STARD13: variants seen among roughly 807,000 people sequenced by gnomAD.
STARD13 encodes the protein StAR related lipid transfer domain containing 13.
Under a neutral mutation model 106.4 loss-of-function variants are expected in STARD13, and 62 were observed. The ratio of observed to expected loss-of-function variants is 0.58; its 90% CI spans 0.48 to 0.72. The LOEUF (loss-of-function observed/expected upper bound fraction) is 0.72. STARD13 is among the 30% of genes least tolerant of loss of function. The pLI, the probability that STARD13 is intolerant of heterozygous loss-of-function variation, is 0.00. For missense variants in STARD13, 1,387 were observed against 1,424.0 expected (o/e 0.97, Z 0.42); for synonymous variants, 565 against 553.0 (o/e 1.02, Z -0.31).
chr13:33,365,067 G>A, the STARD13 span, among the ~76,000 whole-genome samples: 1 of 143,644 alleles, frequency 7.0e-6, no homozygotes, highest in Non-Finnish European at 1.5e-5. Context: ...AAAAAACTCT[G>A]GAGTCAAATC....
chr13:33,350,770 G>A (rs374015397), upstream of STARD13: 205 of 636,486 alleles, frequency 3.2e-4, 3 homozygotes, highest in South Asian at 9.8e-3. Context: ...TTCCAGGAGC[G>A]CGCTTCCCCT....
At chr13:33,668,526 C>T in the STARD13 span, among the ~76,000 whole-genome samples, 1 of 152,178 alleles carries the variant, frequency 6.6e-6, no homozygotes, top group South Asian at 2.1e-4. Flanking sequence ...AGAAGAGTTT[C>T]TGCCTGTATA....
At chr13:33,459,416 T>C in the STARD13 span, among the ~76,000 whole-genome samples, 1 of 152,372 alleles carries the variant, frequency 6.6e-6, no homozygotes, top group African/African-American at 2.4e-5. Context: ...TCATTCATAT[T>C]ACTGCATGTA....
chr13:33,209,155 C>G (rs913447302), intron 1 of STARD13, among the ~76,000 whole-genome samples: 1 of 152,128 alleles, frequency 6.6e-6, no homozygotes, highest in Non-Finnish European at 1.5e-5. Flanking sequence ...TTGTGTGTTA[C>G]CCCCATATTG....
chr13:33,439,671 AT>A, the STARD13 span: 5 of 1,248,306 alleles, frequency 4.0e-6, no homozygotes, highest in Non-Finnish European at 5.2e-6. Context: ...ACAGGAAAAC[AT>A]TTTCTCAGGG....
chr13:33,131,386 T>A (rs1019413728), intron 4 of STARD13, among the ~76,000 whole-genome samples: 7 of 152,154 alleles, frequency 4.6e-5, no homozygotes, highest in Non-Finnish European at 1.0e-4. Context: ...CTCCAGCATC[T>A]TCCCCATCTA....
intron 4 of STARD13, among the ~76,000 whole-genome samples, chr13:33,133,994 T>A (rs1878712055): frequency 6.6e-6 from 1 of 152,164 alleles, no homozygotes; most frequent in Non-Finnish European, 1.5e-5. Flanking sequence ...TATTTAGAAA[T>A]GTAAAATGGA....
intron 1 of STARD13, among the ~76,000 whole-genome samples, chr13:33,321,387 T>A (rs1416602503): frequency 3.3e-5 from 5 of 151,740 alleles, no homozygotes; most frequent in Admixed American, 3.3e-4. Flanking sequence ...GTGTTTGTAA[T>A]CCCAGCTACT....
At chr13:33,137,303 T>A (rs1244685867) in intron 4 of STARD13, among the ~76,000 whole-genome samples, 1 of 152,224 alleles carries the variant, frequency 6.6e-6, no homozygotes, top group Non-Finnish European at 1.5e-5. Flanking sequence ...TAGGGCCATA[T>A]CATAAAAATT....
chr13:33,149,440 T>C (rs1880979066), intron 3 of STARD13, among the ~76,000 whole-genome samples: 1 of 152,242 alleles, frequency 6.6e-6, no homozygotes, highest in Non-Finnish European at 1.5e-5. Context: ...TTTTGGACTT[T>C]GAAATTACTG....
chr13:33,600,076 T>C, the STARD13 span, among the ~76,000 whole-genome samples: 1 of 152,200 alleles, frequency 6.6e-6, no homozygotes, highest in African/African-American at 2.4e-5. Flanking sequence ...ATGCAATTAG[T>C]ACTCAATATC....
chr13:33,110,345 C>A (rs925192312), intron 11 of STARD13, among the ~76,000 whole-genome samples: 3 of 152,150 alleles, frequency 2.0e-5, no homozygotes, highest in African/African-American at 7.2e-5. Flanking sequence ...CTATTCTAAG[C>A]CATTTGGTTT....
the STARD13 span, among the ~76,000 whole-genome samples, chr13:33,671,603 A>G: frequency 2.0e-5 from 3 of 152,076 alleles, no homozygotes; most frequent in Non-Finnish European, 4.4e-5. Flanking sequence ...GGTGGTGCAT[A>G]CTTTTATTCC....
In STARD13 at chr13:33,129,407, C is replaced by A. The variant is rs1313958735; in HGVS notation, c.1270G>T (p.Val424Phe). Residue 424 changes from valine to phenylalanine, a missense_variant, in exon 5 of 14, where the codon GTT (valine) becomes TTT (phenylalanine). Physicochemically the swap from Val to Phe is conservative, Grantham distance 50. Coordinates refer to ENST00000336934, the MANE Select transcript of STARD13 (RefSeq NM_178006.4). ...SLSPTDSSNG[V>F]NWRTGSISLG... The stretch of plus-strand genomic sequence containing the variant: ...GAGATGCTACCGGTCCTCCAATTAA[C>A]CCCATTGCTACTATCTGTGGGAGAG... 2 of 1,614,204 alleles carry A rather than the reference C, an allele frequency of 1.2e-6. No individual in the cohort carries two copies. The highest frequency in any genetic ancestry group is 1.1e-5 in the South Asian group (1 of 91,088).
the STARD13 span, among the ~76,000 whole-genome samples, chr13:33,435,714 A>C: frequency 6.6e-6 from 1 of 152,204 alleles, no homozygotes; most frequent in African/African-American, 2.4e-5. Context: ...AGCTTCTTGA[A>C]GGAGGGATAA....
intron 1 of STARD13, among the ~76,000 whole-genome samples, chr13:33,298,649 G>T (rs191903779): frequency 6.6e-6 from 1 of 151,880 alleles, no homozygotes; most frequent in Admixed American, 6.6e-5. Flanking sequence ...ATACACACAC[G>T]CATCTCATAT....
rs982668687 is a variant in STARD13, at chr13:33,308,032, A to G, written c.124+42258T>C. On this transcript the variant is annotated intron_variant, in intron 1 of 5. Coordinates refer to the STARD13 transcript ENST00000567873. Reference sequence around the variant, plus strand: ...CCATCATTGGATTTCTTGGCCTTCAACACAAAGGGGCTATATTTGGAGAGA... The same window carrying G: ...CCATCATTGGATTTCTTGGCCTTCAGCACAAAGGGGCTATATTTGGAGAGA... Among the ~76,000 whole-genome samples the G allele has an allele frequency of 1.4e-4, 21 of 152,170 alleles. 2 individuals are homozygous for G. The highest frequency in any genetic ancestry group is 9.6e-4 in the East Asian group (5 of 5,192).
intron 1 of STARD13, among the ~76,000 whole-genome samples, chr13:33,171,600 T>C (rs1883967227): frequency 6.6e-6 from 1 of 152,158 alleles, no homozygotes; most frequent in African/African-American, 2.4e-5. Context: ...CCTAGCCCTA[T>C]CACCACCACC....
intron 6 of STARD13, 72 bp downstream of exon 6, chr13:33,127,301 C>T (rs1339704660): frequency 4.1e-6 from 6 of 1,454,040 alleles, no homozygotes; most frequent in Non-Finnish European, 5.4e-6. Context: ...ACAAAGTAAA[C>T]ATGGAAGCTT....
Sources: allele counts gnomAD v4.1 joint callset (sites outside exome capture counted in the v4.1 genomes callset), GRCh38; gene constraint gnomAD v4.1.1; transcripts MANE v1.5; gene names NCBI Gene and HGNC (gene_info 2026-07-23, HGNC 2026-07-21).